Variants in ROBO2 observed in about 807,000 individuals in gnomAD.
ROBO2 encodes the protein roundabout guidance receptor 2.
In ROBO2, 53 loss-of-function variants were observed where a neutral mutation model predicts 160.8. The ratio of observed to expected loss-of-function variants is 0.33; its 90% CI spans 0.26 to 0.41. The LOEUF (loss-of-function observed/expected upper bound fraction) is 0.41, where lower values mean the gene tolerates loss of function less well. ROBO2 is among the 10% of genes least tolerant of loss of function. The probability of loss-of-function intolerance (pLI) is 1.00; values close to 1 mark genes in which losing one functional copy is unlikely to be tolerated. For synonymous variants in ROBO2, 664 were observed against 611.7 expected (o/e 1.09, Z -1.26); for missense variants, 1,577 against 1,722.4 (o/e 0.92, Z 1.49).
At chr3:77,396,042 G>T (rs1440422390) in intron 2 of ROBO2, among the ~76,000 whole-genome samples, 1 of 149,820 alleles carries the variant, frequency 6.7e-6, no homozygotes, top group Non-Finnish European at 1.5e-5. Flanking sequence ...TTTCAAATGA[G>T]TTTTTAAAAT....
intron 2 of ROBO2, among the ~76,000 whole-genome samples, chr3:77,381,229 T>A (rs1170690330): frequency 6.6e-6 from 1 of 152,076 alleles, no homozygotes; most frequent in Non-Finnish European, 1.5e-5. Flanking sequence ...GCAGGAGAAT[T>A]GCTTGAACCC....
chr3:76,890,496 G>A (rs2074265882), intron 2 of ROBO2, among the ~76,000 whole-genome samples: 1 of 152,138 alleles, frequency 6.6e-6, no homozygotes, highest in Admixed American at 6.6e-5. Flanking sequence ...CTTCTCAGTA[G>A]CTGTCTGTCC....
chr3:76,444,258 G>A (rs182211134), intron 2 of ROBO2, among the ~76,000 whole-genome samples: 37 of 152,212 alleles, frequency 2.4e-4, no homozygotes, highest in East Asian at 1.4e-3. Flanking sequence ...GATTACAGGC[G>A]TGAGGCACTG....
chr3:76,476,473 G>C (rs1169256371), intron 2 of ROBO2, among the ~76,000 whole-genome samples: 2 of 152,086 alleles, frequency 1.3e-5, no homozygotes, highest in Non-Finnish European at 2.9e-5. Context: ...TGTTGAAACA[G>C]TTCTCTTTTT....
chr3:77,408,108 TAAAC>T (rs1028877503), intron 2 of ROBO2, among the ~76,000 whole-genome samples: 8 of 150,988 alleles, frequency 5.3e-5, no homozygotes, highest in African/African-American at 1.7e-4. Context: ...AAAAAAAAAA[TAAAC>T]AAACAAAAAA....
Position 76,570,306 on chromosome 3 carries a change from G to A in ROBO2, c.110-527708G>A, listed in dbSNP as rs141223029. ...CAGGTTTAGAACAATAAGGTTTATG[G>A]TGACTTCACAAACTGTTAATGCATC... On this transcript the variant is annotated intron_variant, in intron 2 of 26. Coordinates refer to the ROBO2 transcript ENST00000487694. Among the ~76,000 whole-genome samples, 61 of 152,212 alleles carry A rather than the reference G, an allele frequency of 4.0e-4. No individual in the cohort carries two copies. The East Asian group carries it at 6.0e-3, about 15-fold the overall frequency.
At chr3:76,869,729 C>A (rs17014857) in intron 2 of ROBO2, among the ~76,000 whole-genome samples, 1 of 152,180 alleles carries the variant, frequency 6.6e-6, no homozygotes, top group Admixed American at 6.5e-5. Flanking sequence ...ATAATTTATT[C>A]TATTTCCTGC....
In ROBO2 at chr3:76,741,368, G is replaced by A. The variant is rs114558015; in HGVS notation, c.110-356646G>A. 3.5e-3 allele frequency among the ~76,000 whole-genome samples: 540 copies of A among 152,144 alleles called. 5 individuals carry two copies. Among genetic ancestry groups the A allele is most frequent in the African/African-American group, 0.012 (510 of 41,544 alleles). On this transcript the variant is annotated intron_variant, in intron 2 of 26. Transcript: ENST00000487694. Reference sequence around the variant, plus strand: ...CCAAAGTTTTAAGTAAGTTTTATGTGCTCAGATTTTAAATATTTATGTGCC... The same window carrying A: ...CCAAAGTTTTAAGTAAGTTTTATGTACTCAGATTTTAAATATTTATGTGCC...
intron 2 of ROBO2, among the ~76,000 whole-genome samples, chr3:76,381,146 C>A (rs2076602682): frequency 6.6e-6 from 1 of 151,526 alleles, no homozygotes; most frequent in Admixed American, 6.6e-5. Context: ...GGGCTTGAAC[C>A]AAAAGTGCTC....
intron 2 of ROBO2, among the ~76,000 whole-genome samples, chr3:76,378,635 A>T (rs947348778): frequency 2.0e-5 from 3 of 152,168 alleles, no homozygotes; most frequent in Admixed American, 6.5e-5. Context: ...AAAACAAGTT[A>T]GTTCATACAG....
At chr3:76,488,781 T>C (rs1467737702) in intron 2 of ROBO2, among the ~76,000 whole-genome samples, 2 of 152,044 alleles carry the variant, frequency 1.3e-5, no homozygotes, top group Non-Finnish European at 2.9e-5. Flanking sequence ...AAAGGGTGTG[T>C]CAGGAATTTG....
chr3:76,596,678 C>T (rs1263192887), intron 2 of ROBO2, among the ~76,000 whole-genome samples: 1 of 152,062 alleles, frequency 6.6e-6, no homozygotes, highest in Non-Finnish European at 1.5e-5. Context: ...ATATCACATT[C>T]GGCCTTTAAT....
chr3:76,431,212 AAC>A (rs1420568600), intron 2 of ROBO2, among the ~76,000 whole-genome samples: 1 of 152,058 alleles, frequency 6.6e-6, no homozygotes, highest in Non-Finnish European at 1.5e-5. Context: ...ATGAAAGCAT[AAC>A]ACAATGGCCT....
intron 2 of ROBO2, among the ~76,000 whole-genome samples, chr3:77,232,103 G>C (rs898922082): frequency 6.6e-6 from 1 of 152,064 alleles, no homozygotes; most frequent in Non-Finnish European, 1.5e-5. Flanking sequence ...GCTATGAGTC[G>C]AGTACTTTTA....
exon 21 of ROBO2, chr3:77,607,933 C>T (rs754254170): frequency 2.5e-6 from 4 of 1,613,810 alleles, no homozygotes; most frequent in Non-Finnish European, 2.5e-6. Flanking sequence ...GAACACTATG[C>T]AGTGGAACAA....
At chr3:76,075,210 C>T (rs1171395301) in intron 2 of ROBO2, among the ~76,000 whole-genome samples, 1 of 151,892 alleles carries the variant, frequency 6.6e-6, no homozygotes, top group African/African-American at 2.4e-5. Context: ...CTTGTGATGG[C>T]TCATCCAGTA....
chr3:77,158,996 C>G (rs1238430788), intron 2 of ROBO2, among the ~76,000 whole-genome samples: 1 of 152,112 alleles, frequency 6.6e-6, no homozygotes, highest in Admixed American at 6.5e-5. Flanking sequence ...GGCCAGCTGA[C>G]AGAGAGGCAA....
At chr3:76,821,916 C>G (rs1230072159) in intron 2 of ROBO2, among the ~76,000 whole-genome samples, 8 of 151,932 alleles carry the variant, frequency 5.3e-5, no homozygotes, top group Admixed American at 4.6e-4. Context: ...CAGCCCTGTC[C>G]CCTCTCATAT....
intron 2 of ROBO2, among the ~76,000 whole-genome samples, chr3:76,155,004 C>A (rs986961217): frequency 2.0e-5 from 3 of 151,986 alleles, no homozygotes; most frequent in African/African-American, 7.2e-5. Flanking sequence ...ATTGAAAATG[C>A]CATATTAAAG....
Sources: allele counts gnomAD v4.1 joint callset (sites outside exome capture counted in the v4.1 genomes callset), GRCh38; gene constraint gnomAD v4.1.1; transcripts MANE v1.5; gene names NCBI Gene and HGNC (gene_info 2026-07-23, HGNC 2026-07-21).